The following DST variants were observed in gnomAD, a reference collection of about 807,000 sequenced individuals.
DST encodes dystonin, also known as bullous pemphigoid antigen.
DST carries 253 observed loss-of-function variants against 875.2 expected under a neutral mutation model. The ratio of observed to expected loss-of-function variants is 0.29; its 90% CI spans 0.26 to 0.32. The LOEUF (loss-of-function observed/expected upper bound fraction) is 0.32, where lower values mean the gene tolerates loss of function less well. Ranked by LOEUF, DST falls within the 10% of genes least tolerant of loss-of-function variation. DST has a pLI of 1.00. For synonymous variants in DST, 3,124 were observed against 3,197.1 expected, an observed-to-expected ratio of 0.98 and a Z score of 0.77; for missense variants, 8,287 against 9,111.6, an observed-to-expected ratio of 0.91 and a Z score of 3.68.
At chr6:56,596,016 TTTATTTAC>T (rs1224529151) in intron 47 of DST, among the ~76,000 whole-genome samples, 5 of 151,198 alleles carry the variant, frequency 3.3e-5, no homozygotes, top group East Asian at 1.9e-4. Context: ...CTTTTATTTA[TTTATTTAC>T]TTATTTATTT....
chr6:56,575,537 A>G (rs1204659621), intron 50 of DST, among the ~76,000 whole-genome samples: 3 of 152,124 alleles, frequency 2.0e-5, no homozygotes, highest in African/African-American at 7.2e-5. Flanking sequence ...AAAGCCAGCT[A>G]TTTTCATATA....
intron 3 of DST, among the ~76,000 whole-genome samples, chr6:56,892,210 CAGCTTT>C (rs1274602790): frequency 6.6e-6 from 1 of 152,070 alleles, no homozygotes; most frequent in African/African-American, 2.4e-5. Flanking sequence ...CTATTTTTTC[CAGCTTT>C]ATCTTGTATT....
At chr6:56,875,130 C>T (rs561162097) in intron 3 of DST, among the ~76,000 whole-genome samples, 5 of 152,280 alleles carry the variant, frequency 3.3e-5, no homozygotes, top group Admixed American at 6.5e-5. Context: ...ACTACAGGCG[C>T]CCGCCACCAC....
intron 4 of DST, among the ~76,000 whole-genome samples, chr6:56,782,421 G>C (rs920951709): frequency 9.9e-5 from 15 of 152,138 alleles, no homozygotes; most frequent in Admixed American, 4.6e-4. Context: ...GGTCTATTCA[G>C]AGATTCAACT....
chr6:56,599,425 G>C (rs1192685558), intron 45 of DST, among the ~76,000 whole-genome samples: 1 of 151,984 alleles, frequency 6.6e-6, no homozygotes, highest in Non-Finnish European at 1.5e-5. Context: ...CCATGACTAT[G>C]TGACCTTAAC....
At position 56,604,219 on chromosome 6, in the gene DST, T is replaced by G. The variant is rs776685364; in HGVS notation, c.10409A>C (p.His3470Pro). The G allele has an allele frequency of 1.9e-6, 3 of 1,607,878 alleles. No homozygotes were observed. In the South Asian group the frequency reaches 3.3e-5, roughly 18 times the overall value. The change falls in exon 40 of 104, where the codon CAT becomes CCT. Residue 3470 changes from histidine (H) to proline (P), a missense_variant. By Grantham distance (77) the His-to-Pro change is moderately conservative (BLOSUM62 -2). Transcript: ENST00000680361. Reference sequence around the variant, plus strand: ...TCTTTTCTCTAGGTCATACTCCATATGAGTTAATTCTCTCATCAATTCAAA... The same window carrying G: ...TCTTTTCTCTAGGTCATACTCCATAGGAGTTAATTCTCTCATCAATTCAAA... The part of the protein sequence containing the change: ...GVFELMRELT[H>P]MEYDLEKRGI...
chr6:56,723,438 C>T (rs976339355), intron 5 of DST, among the ~76,000 whole-genome samples: 5 of 152,116 alleles, frequency 3.3e-5, no homozygotes, highest in Non-Finnish European at 7.3e-5. Flanking sequence ...TTGGTGCATG[C>T]TTGTAATCCC....
At chr6:56,482,952 T>C (rs2095446140) in intron 88 of DST, 75 bp from the exon 89 acceptor site, 11 of 1,115,912 alleles carry the variant, frequency 9.9e-6, no homozygotes, top group Middle Eastern at 2.2e-4. Context: ...TTGAGATATA[T>C]ATGTGCACAT....
Position 56,670,133 on chromosome 6 carries a change from C to CGTGTGTGTGT in DST, c.1214+498_1214+507dup, listed in dbSNP as rs70989723. Among the ~76,000 whole-genome samples the CGTGTGTGTGT allele has an allele frequency of 5.0e-3, 730 of 146,288 alleles. 5 individuals are homozygous for CGTGTGTGTGT. Among genetic ancestry groups the CGTGTGTGTGT allele is most frequent in the African/African-American group, 0.014 (555 of 39,726 alleles). On this transcript the variant is annotated intron_variant, in intron 10 of 103. Transcript: ENST00000680361. The stretch of plus-strand genomic sequence containing the variant: ...ACAGCTGTGTGTGCGAGCGCCCGTG[C>CGTGTGTGTGT]GTGTGTGTGTGTGTGTGTGTGTGTG...
At chr6:56,670,355 C>T (rs1208999372) in intron 10 of DST, 2 of 196,964 alleles carry the variant, frequency 1.0e-5, no homozygotes, top group African/African-American at 4.6e-5. Context: ...TGCCACCATG[C>T]CAAGCTAATT....
intron 4 of DST, among the ~76,000 whole-genome samples, chr6:56,824,928 C>T (rs2099778207): frequency 2.0e-5 from 3 of 151,770 alleles, no homozygotes; most frequent in African/African-American, 7.3e-5. Context: ...GTGAGGGGTG[C>T]CTCTGCCCGG....
At chr6:56,507,526 T>C (rs576380916) in intron 75 of DST, among the ~76,000 whole-genome samples, 1 of 152,318 alleles carries the variant, frequency 6.6e-6, no homozygotes, top group African/African-American at 2.4e-5. Context: ...CTAACTCTGC[T>C]AAGTATACAA....
In DST at chr6:56,582,734, A is replaced by C. The variant is rs61396940; in HGVS notation, c.12904-3797T>G. 5.3e-3 allele frequency among the ~76,000 whole-genome samples: 802 copies of C among 151,778 alleles called. 4 individuals carry two copies. Among genetic ancestry groups the C allele is most frequent in the African/African-American group, 0.019 (778 of 41,358 alleles). On this transcript the variant is annotated intron_variant, in intron 49 of 103. Transcript: ENST00000680361. ...AGCATTAGGTATATCTCCTAATGCT[A>C]TCTCTCCCCCCTACCCCCACCCCAC...
At chr6:56,569,768 A>G (rs2097753958) in intron 54 of DST, 88 bp downstream of exon 54, 1 of 1,207,790 alleles carries the variant, frequency 8.3e-7, no homozygotes, top group African/African-American at 1.5e-5. Context: ...AACTTAGATG[A>G]TATTAGATCA....
chr6:56,761,855 T>C (rs2099617975), intron 4 of DST, among the ~76,000 whole-genome samples: 1 of 152,226 alleles, frequency 6.6e-6, no homozygotes, highest in Non-Finnish European at 1.5e-5. Flanking sequence ...TAATTATATA[T>C]AGAAACTTGA....
At chr6:56,595,780 CCCCCA>C (rs1022015596) in intron 47 of DST, among the ~76,000 whole-genome samples, 2 of 142,794 alleles carry the variant, frequency 1.4e-5, no homozygotes, top group African/African-American at 6.1e-5. Context: ...TCATATGCTA[CCCCCA>C]CCCCACCCCG....
chr6:56,670,154 G>C, intron 10 of DST, among the ~76,000 whole-genome samples: 1 of 151,880 alleles, frequency 6.6e-6, no homozygotes, highest in East Asian at 1.9e-4. Context: ...GTGTGTGTGT[G>C]TGTGTGTGTG....
intron 3 of DST, among the ~76,000 whole-genome samples, chr6:56,874,732 T>C (rs1778897268): frequency 6.6e-6 from 1 of 152,178 alleles, no homozygotes; most frequent in African/African-American, 2.4e-5. Context: ...GCATCTCAAA[T>C]CATGTGATAT....
intron 4 of DST, among the ~76,000 whole-genome samples, chr6:56,786,742 C>T (rs146150520): frequency 1.2e-3 from 186 of 152,228 alleles, no homozygotes; most frequent in African/African-American, 4.4e-3. Context: ...ATGTTGGTCT[C>T]GAACTCCTGA....
Sources: gnomAD v4.1 joint callset for allele counts (sites outside exome capture counted in the v4.1 genomes callset) on GRCh38, gnomAD v4.1.1 for gene constraint, MANE v1.5 for transcripts, NCBI Gene and HGNC (gene_info 2026-07-23, HGNC 2026-07-21) for gene names.